Variants in KCNC2 observed in about 807,000 individuals in gnomAD.
KCNC2 encodes the protein voltage-gated potassium channel KCNC2.
In KCNC2, 21 loss-of-function variants were observed where a neutral mutation model predicts 44.5. The ratio of observed to expected loss-of-function variants is 0.47; its 90% CI spans 0.33 to 0.68. The LOEUF (loss-of-function observed/expected upper bound fraction) is 0.68. Among genes scored for constraint, KCNC2 ranks in the 30% least tolerant of loss-of-function variants. KCNC2 has a pLI of 0.01. For missense variants in KCNC2, 589 were observed against 826.2 expected (o/e 0.71, Z 3.52); for synonymous variants, 391 against 339.1 (o/e 1.15, Z -1.68).
chr12:75,128,854 C>T (rs1239592352), intron 2 of KCNC2, among the ~76,000 whole-genome samples: 1 of 152,180 alleles, frequency 6.6e-6, no homozygotes, highest in African/African-American at 2.4e-5. Context: ...AGAGAAGATG[C>T]AATTAGCCTC....
intron 2 of KCNC2, among the ~76,000 whole-genome samples, chr12:75,130,326 T>C (rs1888744260): frequency 6.6e-6 from 1 of 152,208 alleles, no homozygotes; most frequent in South Asian, 2.1e-4. Context: ...ACATTTATAA[T>C]GGCATAATAA....
chr12:75,071,148 A>G (rs1389397202), intron 2 of KCNC2, among the ~76,000 whole-genome samples: 1 of 152,182 alleles, frequency 6.6e-6, no homozygotes, highest in Non-Finnish European at 1.5e-5. Flanking sequence ...CATTAAGGAC[A>G]GAGATAATGG....
intron 2 of KCNC2, among the ~76,000 whole-genome samples, chr12:75,061,292 A>C (rs1006163992): frequency 1.1e-4 from 17 of 152,092 alleles, no homozygotes; most frequent in Non-Finnish European, 2.4e-4. Flanking sequence ...CAGAATAGGA[A>C]GAAAGATATA....
chr12:75,108,132 T>C (rs990884088), intron 2 of KCNC2, among the ~76,000 whole-genome samples: 4 of 152,202 alleles, frequency 2.6e-5, no homozygotes, highest in African/African-American at 9.6e-5. Flanking sequence ...ACATTTTGGG[T>C]TATTTTCCAC....
chr12:75,070,399 C>T (rs1475615745), intron 2 of KCNC2, among the ~76,000 whole-genome samples: 16 of 150,628 alleles, frequency 1.1e-4, no homozygotes, highest in South Asian at 8.4e-4. Flanking sequence ...TGCAGTGAGC[C>T]GAGATTGCAC....
In KCNC2 at chr12:75,071,464, C is replaced by T. The variant is rs936164520; in HGVS notation, c.688-20147G>A. Among the ~76,000 whole-genome samples, 3 of 152,140 alleles carry T rather than the reference C, an allele frequency of 2.0e-5. No homozygotes were observed. The East Asian group carries it at 5.8e-4, about 29-fold the overall frequency. On this transcript the variant is annotated intron_variant, in intron 2 of 4. Coordinates refer to ENST00000549446, the MANE Select transcript of KCNC2 (RefSeq NM_139137.4). ...ATTTGTAATCTTAAATGGTTGTGTACAGCTTATACTTATTGATAATTATCC... is the reference window on the plus strand; with the variant it reads ...ATTTGTAATCTTAAATGGTTGTGTATAGCTTATACTTATTGATAATTATCC...
At chr12:75,187,348 A>T (rs1893023117) in intron 2 of KCNC2, among the ~76,000 whole-genome samples, 1 of 152,210 alleles carries the variant, frequency 6.6e-6, no homozygotes, top group Non-Finnish European at 1.5e-5. Context: ...CATTATTTAA[A>T]ATATGTTTGG....
intron 2 of KCNC2, among the ~76,000 whole-genome samples, chr12:75,147,299 T>C (rs1213831561): frequency 1.3e-5 from 2 of 152,166 alleles, no homozygotes; most frequent in African/African-American, 4.8e-5. Context: ...GAATTTTTTT[T>C]CGTGGGAAAG....
intron 2 of KCNC2, among the ~76,000 whole-genome samples, chr12:75,178,107 C>T (rs887623373): frequency 6.6e-6 from 1 of 151,890 alleles, no homozygotes; most frequent in Non-Finnish European, 1.5e-5. Flanking sequence ...ATAATTTACA[C>T]CCAGGAAAAT....
chr12:75,109,914 A>T (rs1280477639), intron 2 of KCNC2, among the ~76,000 whole-genome samples: 1 of 152,154 alleles, frequency 6.6e-6, no homozygotes, highest in Non-Finnish European at 1.5e-5. Flanking sequence ...AAATTGGTAG[A>T]GGAAATGAAA....
chr12:75,055,938 G>C (rs1241404649), intron 2 of KCNC2, among the ~76,000 whole-genome samples: 1 of 151,962 alleles, frequency 6.6e-6, no homozygotes, highest in Non-Finnish European at 1.5e-5. Flanking sequence ...GAGTGAAATT[G>C]AGCTCTATAA....
intron 2 of KCNC2, among the ~76,000 whole-genome samples, chr12:75,128,005 T>A (rs537568374): frequency 6.6e-6 from 1 of 152,218 alleles, no homozygotes; most frequent in East Asian, 1.9e-4. Context: ...AGATTTCAAA[T>A]GAGAATGGCA....
rs1244719278 is a variant in KCNC2, at chr12:75,042,855, T to C, written c.*250A>G. On this transcript the variant is annotated 3_prime_UTR_variant, in exon 5 of 5. Transcript: ENST00000549446. ...GGTCAATATCTGACACTATCTGTCA[T>C]TTTATTGCAAAAGGATATCAGGGCA... 1 of 1,298,730 alleles carries C rather than the reference T, an allele frequency of 7.7e-7. No homozygotes were observed. The allele number at this position is 1,298,730 out of a possible 1,614,324, so 80.5% of individuals were successfully genotyped here.
intron 2 of KCNC2, among the ~76,000 whole-genome samples, chr12:75,115,757 T>C (rs1408891334): frequency 6.6e-6 from 1 of 152,070 alleles, no homozygotes; most frequent in Non-Finnish European, 1.5e-5. Context: ...CGTATCTTTT[T>C]TTAAACAAAA....
intron 2 of KCNC2, among the ~76,000 whole-genome samples, chr12:75,120,166 A>C (rs1887954336): frequency 6.6e-6 from 1 of 152,226 alleles, no homozygotes; most frequent in African/African-American, 2.4e-5. Context: ...TTTAAGGGGA[A>C]TATAGAACAA....
intron 2 of KCNC2, among the ~76,000 whole-genome samples, chr12:75,125,622 G>A (rs753452933): frequency 1.2e-4 from 19 of 152,222 alleles, no homozygotes; most frequent in Middle Eastern, 3.4e-3. Context: ...GAGACATTGC[G>A]CTATGCCTTC....
intron 2 of KCNC2, among the ~76,000 whole-genome samples, chr12:75,106,877 A>G (rs2137211303): frequency 6.6e-6 from 1 of 152,376 alleles, no homozygotes; most frequent in East Asian, 1.9e-4. Flanking sequence ...ACATGTTAAT[A>G]TTTAGGGAAA....
rs551771602 is a variant in KCNC2 at position 75,042,218 on chromosome 12, T to A, written c.*887A>T. On this transcript the variant is annotated 3_prime_UTR_variant, in exon 5 of 5. Coordinates refer to ENST00000549446, the MANE Select transcript of KCNC2 (RefSeq NM_139137.4). ...ACAAACCCTGGGTATTTTTTTTTTTTAAAGAGTCTAGAACCAAGCAGCAAT... is the reference window on the plus strand; with the variant it reads ...ACAAACCCTGGGTATTTTTTTTTTTAAAAGAGTCTAGAACCAAGCAGCAAT... The A allele has an allele frequency of 1.7e-4, 225 of 1,335,900 alleles. 1 individual carries two copies. In the East Asian group the frequency reaches 3.7e-3, roughly 22 times the overall value. 82.8% of individuals were successfully genotyped at this position (1,335,900 alleles called of 1,614,324 possible).
chr12:75,084,269 T>TTAGATAGA (rs3073544), intron 2 of KCNC2, among the ~76,000 whole-genome samples: 1 of 120,862 alleles, frequency 8.3e-6, no homozygotes, highest in Admixed American at 8.7e-5. Context: ...GATAGATAGA[T>TTAGATAGA]TAGATAGATA....
Sources: gnomAD v4.1 joint callset for allele counts (sites outside exome capture counted in the v4.1 genomes callset) on GRCh38, gnomAD v4.1.1 for gene constraint, MANE v1.5 for transcripts, NCBI Gene and HGNC (gene_info 2026-07-23, HGNC 2026-07-21) for gene names.